The following ASTN2 variants were observed in gnomAD, a reference collection of about 807,000 sequenced individuals.
ASTN2 encodes the protein astrotactin-2.
A neutral mutation model predicts 139.8 loss-of-function variants in ASTN2; 54 were observed. The observed-to-expected ratio is 0.39, with a 90% confidence interval of 0.31 to 0.48. ASTN2 has a LOEUF of 0.48. ASTN2 is among the 20% of genes least tolerant of loss of function. The pLI is 0.95. For missense variants in ASTN2, 1,565 were observed against 1,725.1 expected (o/e 0.91, Z 1.64); for synonymous variants, 756 against 719.5 (o/e 1.05, Z -0.81).
intron 19 of ASTN2, among the ~76,000 whole-genome samples, chr9:116,536,055 C>A (rs2119320372): frequency 1.3e-5 from 2 of 151,852 alleles, no homozygotes; most frequent in Middle Eastern, 3.4e-3. Context: ...TTGTTTGTTT[C>A]TTTTTATTCT....
At chr9:116,490,869 A>T (rs1287069959) in intron 19 of ASTN2, among the ~76,000 whole-genome samples, 1 of 152,220 alleles carries the variant, frequency 6.6e-6, no homozygotes, top group African/African-American at 2.4e-5. Flanking sequence ...AAACCATATC[A>T]ATGAAGGAAC....
intron 1 of ASTN2, among the ~76,000 whole-genome samples, chr9:117,298,670 G>GTATATATATATATATATATATGTGTATA (rs1554717040): frequency 2.2e-5 from 3 of 136,464 alleles, no homozygotes; most frequent in African/African-American, 5.5e-5. Flanking sequence ...ATATATATGT[G>GTATATATATATATATATATATGTGTATA]TATATATATA....
intron 7 of ASTN2, among the ~76,000 whole-genome samples, chr9:116,995,598 C>T (rs981235266): frequency 6.6e-6 from 1 of 152,134 alleles, no homozygotes; most frequent in African/African-American, 2.4e-5. Context: ...AAGAATGACA[C>T]AAATAAATGT....
intron 14 of ASTN2, 117 bp downstream of exon 14, chr9:116,733,282 T>C: frequency 2.9e-6 from 4 of 1,394,030 alleles, no homozygotes; most frequent in Non-Finnish European, 4.0e-6. Flanking sequence ...CCCTTCCTCA[T>C]GAAGGAGGAG....
intron 16 of ASTN2, among the ~76,000 whole-genome samples, chr9:116,673,273 T>G (rs1588172517): frequency 1.3e-5 from 2 of 152,202 alleles, no homozygotes; most frequent in South Asian, 4.2e-4. Flanking sequence ...TCCAATTCTT[T>G]GTTCAAGCCA....
At chr9:117,071,805 C>T (rs1444897224) in intron 5 of ASTN2, among the ~76,000 whole-genome samples, 3 of 151,876 alleles carry the variant, frequency 2.0e-5, no homozygotes, top group African/African-American at 2.4e-5. Context: ...TTCTTTGACT[C>T]GGAAAGGGAA....
intron 1 of ASTN2, among the ~76,000 whole-genome samples, chr9:117,320,364 C>G (rs72764154): frequency 0.097 from 14,740 of 152,216 alleles, 807 homozygotes; most frequent in Non-Finnish European, 0.11. Context: ...ATGCAATACT[C>G]AAGTTTGAAA....
At chr9:116,444,754 T>C (rs1847935433) in intron 20 of ASTN2, among the ~76,000 whole-genome samples, 1 of 152,134 alleles carries the variant, frequency 6.6e-6, no homozygotes, top group Non-Finnish European at 1.5e-5. Context: ...ATTGTGAACT[T>C]GGGCAAGTCG....
chr9:117,220,667 C>T (rs1321598964), intron 2 of ASTN2, among the ~76,000 whole-genome samples: 1 of 152,124 alleles, frequency 6.6e-6, no homozygotes, highest in African/African-American at 2.4e-5. Context: ...GGTAGAAAGG[C>T]ATGGGACAGA....
At chr9:116,556,318 G>C (rs1274034779) in intron 19 of ASTN2, among the ~76,000 whole-genome samples, 1 of 152,096 alleles carries the variant, frequency 6.6e-6, no homozygotes, top group Non-Finnish European at 1.5e-5. Context: ...TACATCCATG[G>C]TTTTTAAGCT....
intron 1 of ASTN2, among the ~76,000 whole-genome samples, chr9:117,386,564 C>T (rs918337071): frequency 3.3e-5 from 5 of 152,108 alleles, no homozygotes; most frequent in Admixed American, 6.5e-5. Flanking sequence ...TGTCTTTGGA[C>T]TGCAGTTCTG....
Position 117,414,617 on chromosome 9 carries a change from G to T in ASTN2, c.322C>A (p.Pro108Thr), listed in dbSNP as rs1450820293. The T allele has an allele frequency of 1.7e-5, 26 of 1,531,376 alleles. No homozygotes were observed. Among genetic ancestry groups the T allele is most frequent in the Non-Finnish European group, 2.2e-5 (25 of 1,145,688 alleles). 94.9% of individuals were successfully genotyped at this position (1,531,376 alleles called of 1,614,324 possible). ...AAAAAASPGSPGSAGTAAESR... is the reference protein window; with the variant it reads ...AAAAAASPGSTGSAGTAAESR... Reference sequence around the variant, plus strand: ...TCGGCGGCGGTGCCGGCAGAGCCAGGAGAGCCCGGGGACGCGGCGGCGGCG... The same window carrying T: ...TCGGCGGCGGTGCCGGCAGAGCCAGTAGAGCCCGGGGACGCGGCGGCGGCG... Residue 108 changes from proline to threonine, a missense_variant, in exon 1 of 23, where the codon CCT (proline) becomes ACT (threonine). This residue lies in a region of ASTN2 where 596 missense variants were observed against 576.8 expected (regional missense o/e 1.03). Coordinates refer to ENST00000313400, the MANE Select transcript of ASTN2 (RefSeq NM_001365068.1). The surrounding 1 kb of genome is among the most constrained non-coding windows in gnomAD (Gnocchi z 4.2).
intron 17 of ASTN2, among the ~76,000 whole-genome samples, chr9:116,624,357 A>G (rs896000962): frequency 4.6e-5 from 7 of 152,198 alleles, no homozygotes; most frequent in Non-Finnish European, 7.3e-5. Flanking sequence ...TGTGCCTTCC[A>G]GAAACTAAGA....
chr9:117,185,803 T>C (rs1437086216), intron 3 of ASTN2, among the ~76,000 whole-genome samples: 1 of 151,924 alleles, frequency 6.6e-6, no homozygotes, highest in East Asian at 1.9e-4. Context: ...TATTTCCAGG[T>C]GGGAGCCAAA....
At chr9:116,727,840 T>C (rs953974574) in intron 15 of ASTN2, among the ~76,000 whole-genome samples, 1 of 152,204 alleles carries the variant, frequency 6.6e-6, no homozygotes, top group Non-Finnish European at 1.5e-5. Context: ...AATAATGTCT[T>C]CCTCACAGTA....
intron 19 of ASTN2, among the ~76,000 whole-genome samples, chr9:116,521,907 A>T (rs1455265496): frequency 1.3e-5 from 2 of 152,178 alleles, no homozygotes; most frequent in African/African-American, 4.8e-5. Context: ...ACGAGCATAT[A>T]AAAAATGCTC....
At chr9:116,656,428 G>T (rs1031670637) in intron 16 of ASTN2, among the ~76,000 whole-genome samples, 1 of 152,116 alleles carries the variant, frequency 6.6e-6, no homozygotes, top group African/African-American at 2.4e-5. Flanking sequence ...GTAGGCCCTT[G>T]CCATTAAGTG....
intron 6 of ASTN2, among the ~76,000 whole-genome samples, chr9:117,032,170 T>C (rs541550774): frequency 6.6e-6 from 1 of 152,266 alleles, no homozygotes; most frequent in Non-Finnish European, 1.5e-5. Context: ...TATTTGTCTC[T>C]AAGGATTCAT....
At chr9:116,922,777 T>G (rs73527990) in intron 10 of ASTN2, among the ~76,000 whole-genome samples, 2,984 of 152,328 alleles carry the variant, frequency 0.02, 83 homozygotes, top group African/African-American at 0.063. Context: ...TTTACCTATG[T>G]AAATTCATGT....
Sources: gnomAD v4.1 joint callset for allele counts (sites outside exome capture counted in the v4.1 genomes callset) on GRCh38, gnomAD v4.1.1 for gene constraint, gnomAD v4.1.1 regional missense constraint, Gnocchi (gnomAD v3.1) non-coding constraint, MANE v1.5 for transcripts, NCBI Gene and HGNC (gene_info 2026-07-23, HGNC 2026-07-21) for gene names.